The following SMAD1 variants were observed in gnomAD, a reference collection of about 807,000 sequenced individuals.
The protein encoded by SMAD1 is SMAD family member 1.
In SMAD1, 6 loss-of-function variants were observed where a neutral mutation model predicts 41.6. That is an observed-to-expected ratio of 0.14 (90% confidence interval 0.08 to 0.28). SMAD1 has a LOEUF of 0.28. Ranked by LOEUF, SMAD1 falls within the 10% of genes least tolerant of loss-of-function variation. The pLI is 1.00. For missense variants in SMAD1, 379 were observed against 582.6 expected, an observed-to-expected ratio of 0.65 and a Z score of 3.60; for synonymous variants, 206 against 203.2, an observed-to-expected ratio of 1.01 and a Z score of -0.12.
At chr4:145,512,366 C>T (rs1441238124) in intron 1 of SMAD1, among the ~76,000 whole-genome samples, 3 of 152,158 alleles carry the variant, frequency 2.0e-5, no homozygotes, top group Non-Finnish European at 4.4e-5. Flanking sequence ...CTTTAAGACT[C>T]TACTTATGCA....
chr4:145,552,967 C>T (rs1053790135), intron 5 of SMAD1, among the ~76,000 whole-genome samples: 6 of 152,052 alleles, frequency 3.9e-5, no homozygotes, highest in Admixed American at 6.6e-5. Context: ...TGCAGTGGCT[C>T]AATCACAGCT....
intron 2 of SMAD1, among the ~76,000 whole-genome samples, chr4:145,524,943 T>A (rs1730948104): frequency 5.3e-5 from 8 of 152,234 alleles, no homozygotes; most frequent in Admixed American, 5.2e-4. Flanking sequence ...TGAATTGTGC[T>A]TTTTGGCTTA....
intron 2 of SMAD1, among the ~76,000 whole-genome samples, chr4:145,528,453 G>A (rs902684232): frequency 6.6e-6 from 1 of 152,068 alleles, no homozygotes; most frequent in Non-Finnish European, 1.5e-5. Flanking sequence ...TGTTGCCCAG[G>A]CTGGTCTCGA....
chr4:145,503,037 T>G (rs1010556186), intron 1 of SMAD1: 10 of 152,220 alleles, frequency 6.6e-5, no homozygotes, highest in African/African-American at 2.4e-4. Flanking sequence ...TAAATAGAAT[T>G]TCACGAACTG....
At chr4:145,507,742 C>CA (rs1445146060) in intron 1 of SMAD1, among the ~76,000 whole-genome samples, 1 of 151,566 alleles carries the variant, frequency 6.6e-6, no homozygotes, top group East Asian at 1.9e-4. Flanking sequence ...TTTGCTGACT[C>CA]ATGTTTTTAT....
Position 145,546,917 on chromosome 4 carries a change from T to A in SMAD1, c.990T>A (p.Ile330=), listed in dbSNP as rs923853286. 1 of 1,613,666 alleles carries A rather than the reference T, an allele frequency of 6.2e-7. No homozygotes were observed. The highest frequency in any genetic ancestry group is 8.5e-7 in the Non-Finnish European group (1 of 1,179,550). ...NSTIENTRRH[I]GKGVHLYYVG... ...CTATTGAAAACACCAGGCGGCATATTGGAAAAGGTGAGTTTTTGCTTTAAC... is the reference window on the plus strand; with the variant it reads ...CTATTGAAAACACCAGGCGGCATATAGGAAAAGGTGAGTTTTTGCTTTAAC... Residue 330 remains isoleucine, a synonymous_variant, in exon 5 of 7, where the codon ATT becomes ATA. Transcript: ENST00000302085.
chr4:145,526,222 A>G (rs1349347602), intron 2 of SMAD1, among the ~76,000 whole-genome samples: 1 of 152,240 alleles, frequency 6.6e-6, no homozygotes, highest in Non-Finnish European at 1.5e-5. Context: ...GCATTTGGAC[A>G]GCTTATTGTA....
chr4:145,553,419 CATCAGGCATTAGAT>C (rs2126554570), intron 5 of SMAD1, among the ~76,000 whole-genome samples: 2 of 152,230 alleles, frequency 1.3e-5, no homozygotes, highest in South Asian at 4.1e-4. Flanking sequence ...CACTTCAGAT[CATCAGGCATTAGAT>C]TCTCATAAGG....
chr4:145,554,091 C>CT (rs10715854), intron 6 of SMAD1, 51 bp downstream of exon 6: 30,165 of 1,132,686 alleles, frequency 0.027, 3 homozygotes, highest in East Asian at 0.036. Flanking sequence ...TTTTGCTGTG[C>CT]TTTTTTTTTT....
At chr4:145,516,146 C>T (rs1445589539) in intron 2 of SMAD1, among the ~76,000 whole-genome samples, 1 of 152,182 alleles carries the variant, frequency 6.6e-6, no homozygotes, top group Admixed American at 6.5e-5. Context: ...TCTGATTCTG[C>T]TCCCTTTGGT....
chr4:145,490,981 G>A (rs993212446), intron 1 of SMAD1, among the ~76,000 whole-genome samples: 10 of 152,138 alleles, frequency 6.6e-5, no homozygotes, highest in Admixed American at 1.3e-4. Flanking sequence ...TCTTGTCATA[G>A]TGTTAGAAGG....
chr4:145,513,827 G>A (rs1730228426), intron 1 of SMAD1, among the ~76,000 whole-genome samples: 1 of 152,054 alleles, frequency 6.6e-6, no homozygotes, highest in Non-Finnish European at 1.5e-5. Context: ...TTTTAACTTT[G>A]TTGCTTTTAT....
At chr4:145,551,274 G>T (rs1732541634) in intron 5 of SMAD1, among the ~76,000 whole-genome samples, 1 of 152,186 alleles carries the variant, frequency 6.6e-6, no homozygotes, top group South Asian at 2.1e-4. Context: ...CAATAACCAA[G>T]TTAGCGTTTG....
intron 1 of SMAD1, among the ~76,000 whole-genome samples, chr4:145,488,397 T>C (rs1210802545): frequency 6.6e-6 from 1 of 152,132 alleles, no homozygotes; most frequent in African/African-American, 2.4e-5. Flanking sequence ...TGCTGTACTG[T>C]GGATATTTTG....
intron 1 of SMAD1, chr4:145,498,069 G>T (rs924732589): frequency 6.6e-6 from 1 of 152,194 alleles, no homozygotes; most frequent in Non-Finnish European, 1.5e-5. Context: ...ACAGATTTCT[G>T]TAATGGAAAA....
chr4:145,540,031 T>G lies in SMAD1; in HGVS notation c.628T>G (p.Ser210Ala). Residue 210 changes from serine (S) to alanine (A), a missense_variant, in exon 3 of 7, where the codon TCA becomes GCA. Transcript: ENST00000302085. ...SSTYPHSPTS[S>A]DPGSPFQMPA... ...CACCTACCCTCACTCTCCCACCAGC[T>G]CAGACCCAGGAAGCCCTTTCCAGAT... 6.2e-7 allele frequency: 1 copy of G among 1,614,030 alleles called. No homozygotes were observed. Among genetic ancestry groups the G allele is most frequent in the South Asian group, 1.1e-5 (1 of 91,068 alleles).
chr4:145,542,780 T>C, intron 4 of SMAD1, 82 bp downstream of exon 4: 2 of 909,378 alleles, frequency 2.2e-6, no homozygotes, highest in Middle Eastern at 4.7e-4. Context: ...TTTTTATTAG[T>C]CTTTAAAAAG....
intron 1 of SMAD1, among the ~76,000 whole-genome samples, chr4:145,488,221 A>G (rs1389455078): frequency 6.6e-6 from 1 of 152,146 alleles, no homozygotes; most frequent in African/African-American, 2.4e-5. Context: ...AAGAACATAC[A>G]ATTGTTAATT....
rs2126572373 is a variant in SMAD1, at chr4:145,559,078, A to T, written c.*1144A>T. Among the ~76,000 whole-genome samples, 1 of 152,274 alleles carries T rather than the reference A, an allele frequency of 6.6e-6. No homozygotes were observed. Among genetic ancestry groups the T allele is most frequent in the South Asian group, 2.1e-4 (1 of 4,822 alleles). On this transcript the variant is annotated 3_prime_UTR_variant, in exon 7 of 7. Coordinates refer to ENST00000302085, the MANE Select transcript of SMAD1 (RefSeq NM_005900.3). Reference sequence around the variant, plus strand: ...TTCTGTTAATCTTTTGTATTCACTTATGCTCTCGTACATTGAGTACTTTTA... The same window carrying T: ...TTCTGTTAATCTTTTGTATTCACTTTTGCTCTCGTACATTGAGTACTTTTA...
Sources: gnomAD v4.1 joint callset for allele counts (sites outside exome capture counted in the v4.1 genomes callset) on GRCh38, gnomAD v4.1.1 for gene constraint, MANE v1.5 for transcripts, NCBI Gene and HGNC (gene_info 2026-07-23, HGNC 2026-07-21) for gene names.